ICE1: variants seen among roughly 807,000 people sequenced by gnomAD.
ICE1 encodes little elongation complex subunit 1.
Under a neutral mutation model 192.7 loss-of-function variants are expected in ICE1, and 64 were observed. The ratio of observed to expected loss-of-function variants is 0.33; its 90% CI spans 0.27 to 0.41. The LOEUF is 0.41. ICE1 is among the 10% of genes least tolerant of loss of function. The pLI, the probability that ICE1 is intolerant of heterozygous loss-of-function variation, is 1.00. For synonymous variants in ICE1, 1,010 were observed against 984.5 expected (o/e 1.03, Z -0.49); for missense variants, 2,708 against 2,696.0 (o/e 1.00, Z -0.10).
In ICE1 at chr5:5,461,460, A is replaced by C; in HGVS notation, c.2126A>C (p.Glu709Ala). The change falls in exon 13 of 19, where the codon GAA becomes GCA. Residue 709 changes from glutamate (E) to alanine (A), a missense_variant. Physicochemically the swap from Glu to Ala is moderately radical, Grantham distance 107 (BLOSUM62 -1). Around this residue, in one of 2 missense-constraint regions of ICE1, gnomAD observed 2,366 missense variants for 2,276.6 expected, o/e 1.04. Transcript: ENST00000296564. ...AATAGCTTGTGTGCCTTGAGCCCTG[A>C]ATTGGGAGCATCTAATTTTAATGAT... ...LENSLCALSP[E>A]LGASNFNDQK... The C allele has an allele frequency of 6.2e-7, 1 of 1,614,028 alleles. No homozygotes were observed. Among genetic ancestry groups the C allele is most frequent in the Non-Finnish European group, 8.5e-7 (1 of 1,179,898 alleles).
At chr5:5,450,554 AAT>A (rs1437163349) in intron 10 of ICE1, among the ~76,000 whole-genome samples, 3 of 152,160 alleles carry the variant, frequency 2.0e-5, no homozygotes, top group African/African-American at 7.2e-5. Flanking sequence ...GAACACATGG[AAT>A]ATTCATATTC....
Position 5,461,391 on chromosome 5 carries a change from A to C in ICE1, c.2057A>C (p.Gln686Pro), listed in dbSNP as rs1738773992. The C allele has an allele frequency of 6.2e-7, 1 of 1,613,978 alleles. No homozygotes were observed. The highest frequency in any genetic ancestry group is 1.7e-5 in the Admixed American group (1 of 60,026). Reference protein sequence around the residue: ...QTKTLNTLHLQSEPPECSIGG... With the variant: ...QTKTLNTLHLPSEPPECSIGG... ...AAAACTTTAAACACATTACATCTGC[A>C]GTCTGAGCCACCGGAGTGTTCTATA... Residue 686 changes from glutamine to proline, a missense_variant, in exon 13 of 19, where the codon CAG (glutamine) becomes CCG (proline). Coordinates refer to ENST00000296564, the MANE Select transcript of ICE1 (RefSeq NM_015325.3).
rs377101521 is a variant in ICE1, at chr5:5,464,671, G to A, written c.5337G>A (p.Pro1779=). 5.0e-6 allele frequency: 8 copies of A among 1,613,694 alleles called. No homozygotes were observed. The highest frequency in any genetic ancestry group is 1.3e-5 in the African/African-American group (1 of 74,904). The change falls in exon 13 of 19, where the codon CCG becomes CCA. Residue 1779 remains proline (P), a synonymous_variant. Coordinates refer to ENST00000296564, the MANE Select transcript of ICE1 (RefSeq NM_015325.3). This position sits in a 1 kb window ranked among gnomAD's most constrained non-coding sequence, Gnocchi z 4.0. The stretch of plus-strand genomic sequence containing the variant: ...GGAATATTCAACTCACACGAGGTCC[G>A]CCTGCTGACTGTAAGAATTTACCGG... ...LKGNIQLTRG[P]PADCKNLPGP...
At chr5:5,454,175 T>C (rs1738517679) in intron 10 of ICE1, among the ~76,000 whole-genome samples, 1 of 152,216 alleles carries the variant, frequency 6.6e-6, no homozygotes, top group Admixed American at 6.5e-5. Flanking sequence ...AGTTATTAAC[T>C]GTGCTTCCTT....
At chr5:5,439,571 T>C (rs1317623593) in intron 3 of ICE1, among the ~76,000 whole-genome samples, 9 of 152,230 alleles carry the variant, frequency 5.9e-5, no homozygotes, top group Non-Finnish European at 1.0e-4. Context: ...GGGATTCCGC[T>C]ATGTAGAGAA....
chr5:5,451,918 C>T (rs1738430134), intron 10 of ICE1, among the ~76,000 whole-genome samples: 1 of 151,982 alleles, frequency 6.6e-6, no homozygotes, highest in South Asian at 2.1e-4. Flanking sequence ...TGCAAAAATA[C>T]CAAATAAAAT....
chr5:5,439,205 T>C (rs1452775595), intron 3 of ICE1, among the ~76,000 whole-genome samples: 1 of 152,150 alleles, frequency 6.6e-6, no homozygotes, highest in Non-Finnish European at 1.5e-5. Context: ...AAAGATTAAT[T>C]TAGGATGAAT....
At chr5:5,438,109 A>G (rs867347072) in intron 3 of ICE1, among the ~76,000 whole-genome samples, 17 of 152,250 alleles carry the variant, frequency 1.1e-4, no homozygotes, top group Admixed American at 1.1e-3. Flanking sequence ...ACTTATAATC[A>G]TGGCAGAAGG....
Position 5,464,246 on chromosome 5 carries a change from C to T in ICE1, c.4912C>T (p.Pro1638Ser), listed in dbSNP as rs751436315. 1.9e-6 allele frequency: 3 copies of T among 1,613,504 alleles called. No homozygotes were observed. Among genetic ancestry groups the T allele is most frequent in the African/African-American group, 1.3e-5 (1 of 74,788 alleles). The change falls in exon 13 of 19, where the codon CCT becomes TCT. Residue 1638 changes from proline to serine, a missense_variant. This residue lies in a region of ICE1 where 2,366 missense variants were observed against 2,276.6 expected (regional missense o/e 1.04). Coordinates refer to ENST00000296564, the MANE Select transcript of ICE1 (RefSeq NM_015325.3). This position sits in a 1 kb window ranked among gnomAD's most constrained non-coding sequence, Gnocchi z 4.0. ...VGPPLPPLLAPLIATPPRTSQ... is the reference protein window; with the variant it reads ...VGPPLPPLLASLIATPPRTSQ... ...GCCTCCTTTGCCGCCTCTGCTTGCTCCTCTGATAGCTACACCTCCAAGGAC... is the reference window on the plus strand; with the variant it reads ...GCCTCCTTTGCCGCCTCTGCTTGCTTCTCTGATAGCTACACCTCCAAGGAC...
At position 5,465,014 on chromosome 5, in the gene ICE1, G is replaced by A. The variant is rs757038829; in HGVS notation, c.5680G>A (p.Val1894Ile). 40 of 1,613,820 alleles carry A rather than the reference G, an allele frequency of 2.5e-5. No homozygotes were observed. In the East Asian group the frequency reaches 4.2e-4, roughly 17 times the overall value. ...GGAAAGAAGTTGTTCTAGTCCAGCC[G>A]TCAGTGCAGTTTCACAGTTGCCTTT... ...NEERSCSSPAVSAVSQLPLSP... is the reference protein window; with the variant it reads ...NEERSCSSPAISAVSQLPLSP... The change falls in exon 13 of 19, where the codon GTC becomes ATC. Residue 1894 changes from valine to isoleucine, a missense_variant. Physicochemically the swap from Val to Ile is conservative, Grantham distance 29. This residue lies in a region of ICE1 where 2,366 missense variants were observed against 2,276.6 expected (regional missense o/e 1.04). Coordinates refer to ENST00000296564, the MANE Select transcript of ICE1 (RefSeq NM_015325.3).
intron 10 of ICE1, among the ~76,000 whole-genome samples, chr5:5,448,337 G>C (rs1738304400): frequency 6.6e-6 from 1 of 152,144 alleles, no homozygotes; most frequent in East Asian, 1.9e-4. Context: ...GAAAAGTTTA[G>C]GGAAGGCCCA....
intron 11 of ICE1, 27 bp from the exon 12 acceptor site, chr5:5,457,305 G>T: frequency 6.5e-7 from 1 of 1,546,788 alleles, no homozygotes; most frequent in South Asian, 1.2e-5. Flanking sequence ...GTAAATACCT[G>T]ATACCTACTT....
chr5:5,434,250 C>T (rs184250325), intron 1 of ICE1, among the ~76,000 whole-genome samples: 25 of 152,194 alleles, frequency 1.6e-4, no homozygotes, highest in Non-Finnish European at 2.8e-4. Flanking sequence ...TTAACTAATT[C>T]CAACTTTTAA....
intron 7 of ICE1, among the ~76,000 whole-genome samples, chr5:5,445,313 T>C (rs1738181609): frequency 6.6e-6 from 1 of 152,254 alleles, no homozygotes; most frequent in Non-Finnish European, 1.5e-5. Flanking sequence ...ACTGACAATA[T>C]GGCAGTAAGA....
At chr5:5,443,275 C>A (rs561882828) in intron 6 of ICE1, 31 bp downstream of exon 6, 1 of 1,183,348 alleles carries the variant, frequency 8.5e-7, no homozygotes, top group Non-Finnish European at 1.2e-6. Flanking sequence ...TATAGAAATA[C>A]GGTTTTCAGT....
At chr5:5,444,589 T>C (rs1738155589) in intron 7 of ICE1, among the ~76,000 whole-genome samples, 1 of 152,208 alleles carries the variant, frequency 6.6e-6, no homozygotes, top group South Asian at 2.1e-4. Context: ...ACTTTTGCTA[T>C]AAAAAGCAGT....
rs1357338986 is a variant in ICE1, at chr5:5,489,253, G to T, written c.6724G>T (p.Ala2242Ser). The change falls in exon 19 of 19, where the codon GCC (alanine) becomes TCC (serine). Residue 2242 changes from alanine to serine, a missense_variant. Physicochemically the swap from Ala to Ser is moderately conservative, Grantham distance 99 (BLOSUM62 1). Coordinates refer to ENST00000296564, the MANE Select transcript of ICE1 (RefSeq NM_015325.3). ...SKILEAWRREASKSVPSAIVS... is the reference protein window; with the variant it reads ...SKILEAWRRESSKSVPSAIVS... ...GATCCTGGAAGCTTGGCGGAGAGAG[G>T]CCTCCAAAAGCGTTCCGTCTGCGAT... The T allele has an allele frequency of 1.2e-6, 2 of 1,613,712 alleles. No homozygotes were observed. The highest frequency in any genetic ancestry group is 2.7e-5 in the African/African-American group (2 of 74,904).
At position 5,479,078 on chromosome 5, in the gene ICE1, A is replaced by G. The variant is rs1381287899; in HGVS notation, c.6520+2999A>G. On this transcript the variant is annotated intron_variant, in intron 17 of 18. Transcript: ENST00000296564. ...CTAAAACGCCAAAAGCAATTGCAAC[A>G]AAAACCTGAATTGACAAATGGGATC... Among the ~76,000 whole-genome samples the G allele has an allele frequency of 3.3e-5, 5 of 152,348 alleles. No homozygotes were observed. The East Asian group carries it at 9.6e-4, about 29-fold the overall frequency.
At chr5:5,486,876 A>G (rs1197621004) in intron 18 of ICE1, 57 bp downstream of exon 18, 12 of 1,330,650 alleles carry the variant, frequency 9.0e-6, no homozygotes, top group Non-Finnish European at 1.3e-5. Context: ...TCATAGTTAA[A>G]CCTTTTTTGG....
Sources: gnomAD v4.1 joint callset for allele counts (sites outside exome capture counted in the v4.1 genomes callset) on GRCh38, gnomAD v4.1.1 for gene constraint, gnomAD v4.1.1 regional missense constraint, Gnocchi (gnomAD v3.1) non-coding constraint, MANE v1.5 for transcripts, NCBI Gene and HGNC (gene_info 2026-07-23, HGNC 2026-07-21) for gene names.